AMN1: variants seen among roughly 807,000 people sequenced by gnomAD.
AMN1 encodes the protein protein AMN1 homolog.
In AMN1, 20 loss-of-function variants were observed where a neutral mutation model predicts 33.0. That is an observed-to-expected ratio of 0.61 (90% CI 0.43 to 0.88). AMN1 has a LOEUF of 0.88. AMN1 is among the 40% of genes least tolerant of loss of function. AMN1 has a pLI of 0.00. For missense variants in AMN1, 246 were observed against 307.4 expected (o/e 0.80, Z 1.49); for synonymous variants, 114 against 111.9 (o/e 1.02, Z -0.12).
chr12:31,693,007 A>G (rs1224325450), intron 5 of AMN1, among the ~76,000 whole-genome samples: 1 of 152,202 alleles, frequency 6.6e-6, no homozygotes, highest in Admixed American at 6.5e-5. Context: ...AGAAACGATC[A>G]TGATATTTGC....
chr12:31,673,217 T>G (rs576943554), intron 6 of AMN1: 2 of 152,078 alleles, frequency 1.3e-5, no homozygotes, highest in East Asian at 3.9e-4. Context: ...TTGGAAATCC[T>G]GTAATTTGGT....
At chr12:31,718,902 C>T (rs945654254) in intron 1 of AMN1, among the ~76,000 whole-genome samples, 2 of 152,238 alleles carry the variant, frequency 1.3e-5, no homozygotes, top group Non-Finnish European at 2.9e-5. Flanking sequence ...CAATGGCAGA[C>T]GCCCCTCCCC....
At chr12:31,694,635 A>G (rs1194797947) in intron 5 of AMN1, among the ~76,000 whole-genome samples, 1 of 152,012 alleles carries the variant, frequency 6.6e-6, no homozygotes, top group African/African-American at 2.4e-5. Flanking sequence ...AGCCCCAGCT[A>G]TTTAGGAAGC....
intron 5 of AMN1, 81 bp from the exon 6 acceptor site, chr12:31,689,199 G>T: frequency 2.2e-6 from 2 of 918,066 alleles, no homozygotes; most frequent in Non-Finnish European, 3.3e-6. Context: ...GAAACATTCT[G>T]ATACAAAAAG....
In AMN1 at chr12:31,722,600, G is replaced by A. The variant is rs116667791; in HGVS notation, c.38+6371C>T. ...ATAATGATCAGGATGAAAAGGGGAG[G>A]GTTTGCTAGACTTAGTCTGATATTC... On this transcript the variant is annotated intron_variant, in intron 1 of 6. Coordinates refer to ENST00000281471, the MANE Select transcript of AMN1 (RefSeq NM_001113402.2). Among the ~76,000 whole-genome samples, 936 of 152,146 alleles carry A rather than the reference G, an allele frequency of 6.2e-3. 12 individuals carry two copies. Among genetic ancestry groups the A allele is most frequent in the African/African-American group, 0.021 (881 of 41,484 alleles).
At chr12:31,703,992 A>T (rs1197184137) in intron 2 of AMN1, among the ~76,000 whole-genome samples, 2 of 152,220 alleles carry the variant, frequency 1.3e-5, no homozygotes, top group South Asian at 2.1e-4. Flanking sequence ...TGTCTTGCTT[A>T]TAACATATGC....
In AMN1 at chr12:31,697,413, G is replaced by A; in HGVS notation, c.539C>T (p.Ser180Phe). Residue 180 changes from serine to phenylalanine, a missense_variant, in exon 5 of 7, where the codon TCT becomes TTT. By Grantham distance (155) the Ser-to-Phe change is radical. Coordinates refer to ENST00000281471, the MANE Select transcript of AMN1 (RefSeq NM_001113402.2). The stretch of plus-strand genomic sequence containing the variant: ...AACAAGTGCAATCACACCACTGTCA[G>A]ATACCTAAGCAAAGGGAAAAAGAAA... ...QCVDFSATQVSDSGVIALVSG... is the reference protein window; with the variant it reads ...QCVDFSATQVFDSGVIALVSG... The A allele has an allele frequency of 6.2e-7, 1 of 1,612,924 alleles. No homozygotes were observed. Among genetic ancestry groups the A allele is most frequent in the Non-Finnish European group, 8.5e-7 (1 of 1,179,388 alleles).
chr12:31,728,036 T>A (rs1391827291), intron 1 of AMN1, among the ~76,000 whole-genome samples: 1 of 152,132 alleles, frequency 6.6e-6, no homozygotes, highest in Non-Finnish European at 1.5e-5. Flanking sequence ...AATTTTTGTA[T>A]CTTTAGTAGA....
intron 1 of AMN1, among the ~76,000 whole-genome samples, chr12:31,713,417 T>C (rs1282913528): frequency 6.6e-6 from 1 of 152,212 alleles, no homozygotes; most frequent in Non-Finnish European, 1.5e-5. Context: ...AGTTTTTGCT[T>C]GTTGTTTTAT....
At chr12:31,709,014 C>CA (rs1420805601) in intron 2 of AMN1, 3 of 443,504 alleles carry the variant, frequency 6.8e-6, no homozygotes, top group African/African-American at 4.1e-5. Flanking sequence ...CCTGTCTCTA[C>CA]AAAAAATGCA....
intron 2 of AMN1, among the ~76,000 whole-genome samples, chr12:31,707,827 G>C (rs1310798813): frequency 6.6e-6 from 1 of 152,146 alleles, no homozygotes; most frequent in East Asian, 1.9e-4. Context: ...GGAAGTCAGG[G>C]ACCCCAAATG....
chr12:31,706,823 C>A (rs1220667380), intron 2 of AMN1, among the ~76,000 whole-genome samples: 2 of 152,116 alleles, frequency 1.3e-5, no homozygotes, highest in African/African-American at 4.8e-5. Context: ...TTTACTCTTA[C>A]CACTACCAGA....
At chr12:31,721,157 AT>A (rs2139729650) in intron 1 of AMN1, among the ~76,000 whole-genome samples, 1 of 152,306 alleles carries the variant, frequency 6.6e-6, no homozygotes, top group Non-Finnish European at 1.5e-5. Context: ...CGACAGTCTG[AT>A]TTGATTGGTG....
intron 3 of AMN1, among the ~76,000 whole-genome samples, chr12:31,700,701 T>G (rs985729735): frequency 6.6e-6 from 1 of 152,142 alleles, no homozygotes; most frequent in African/African-American, 2.4e-5. Context: ...ATTTTATTTA[T>G]TTTTTTGAGA....
At position 31,683,178 on chromosome 12, in the gene AMN1, G is replaced by A. The variant is rs1457139176; in HGVS notation, c.703+5829C>T. On this transcript the variant is annotated intron_variant, in intron 6 of 6. Coordinates refer to ENST00000281471, the MANE Select transcript of AMN1 (RefSeq NM_001113402.2). This position sits in a 1 kb window ranked among gnomAD's most constrained non-coding sequence, Gnocchi z 4.1. ...GGGTTTCACCATATTGGCCAGGCTG[G>A]TCTCAAACTCCTAATCTCAAGTGAT... 3.9e-5 allele frequency among the ~76,000 whole-genome samples: 6 copies of A among 152,136 alleles called. No homozygotes were observed. In the East Asian group the frequency reaches 9.6e-4, roughly 24 times the overall value.
At chr12:31,716,198 CGTT>C (rs1341530991) in intron 1 of AMN1, among the ~76,000 whole-genome samples, 7 of 152,118 alleles carry the variant, frequency 4.6e-5, no homozygotes, top group Non-Finnish European at 1.0e-4. Flanking sequence ...TCCATTTTCA[CGTT>C]GTTCATGTCC....
intron 1 of AMN1, among the ~76,000 whole-genome samples, chr12:31,728,499 C>CG (rs1182329696): frequency 6.6e-6 from 1 of 152,148 alleles, no homozygotes; most frequent in African/African-American, 2.4e-5. Flanking sequence ...ATGGCAGAGC[C>CG]GGGGGCTGAA....
rs1457952400 is a variant in AMN1 at position 31,717,667 on chromosome 12, A to C, written c.39-8242T>G. Among the ~76,000 whole-genome samples, 3 of 152,204 alleles carry C rather than the reference A, an allele frequency of 2.0e-5. No homozygotes were observed. The East Asian group carries it at 5.8e-4, about 29-fold the overall frequency. On this transcript the variant is annotated intron_variant, in intron 1 of 6. Transcript: ENST00000281471. Reference sequence around the variant, plus strand: ...TTTAATTCACAAGAGGCAGTATCAGAAACTGGGATTTCTTGGTAACTAAGA... The same window carrying C: ...TTTAATTCACAAGAGGCAGTATCAGCAACTGGGATTTCTTGGTAACTAAGA...
In AMN1 at chr12:31,701,949, G is replaced by A. The variant is rs1039410968; in HGVS notation, c.230C>T (p.Ala77Val). ...DLRSCDISDA[A>V]LLHLSNCRKL... The stretch of plus-strand genomic sequence containing the variant: ...TCTACAGTTAGACAGGTGCAGGAGA[G>A]CAGCATCTGATATATCGCAGCTCCG... Residue 77 changes from alanine (A) to valine (V), a missense_variant, in exon 3 of 7, where the codon GCT becomes GTT. Transcript: ENST00000281471. 1.5e-5 allele frequency: 24 copies of A among 1,610,608 alleles called. No homozygotes were observed. Among genetic ancestry groups the A allele is most frequent in the Non-Finnish European group, 2.0e-5 (23 of 1,178,784 alleles).
Sources: allele counts gnomAD v4.1 joint callset (sites outside exome capture counted in the v4.1 genomes callset), GRCh38; gene constraint gnomAD v4.1.1; non-coding constraint Gnocchi (gnomAD v3.1); transcripts MANE v1.5; gene names NCBI Gene and HGNC (gene_info 2026-07-23, HGNC 2026-07-21).